The following SUGCT variants were observed in gnomAD, a reference collection of about 807,000 sequenced individuals.
The protein encoded by SUGCT is succinyl-CoA:glutarate-CoA transferase.
SUGCT carries 41 observed loss-of-function variants against 55.0 expected under a neutral mutation model. The ratio of observed to expected loss-of-function variants is 0.74; its 90% CI spans 0.58 to 0.97. SUGCT has a LOEUF of 0.97. Ranked by LOEUF, SUGCT falls within the 50% of genes least tolerant of loss-of-function variation. The pLI is 0.00. For missense variants in SUGCT, 568 were observed against 547.8 expected, an observed-to-expected ratio of 1.04 and a Z score of -0.37; for synonymous variants, 187 against 200.4, an observed-to-expected ratio of 0.93 and a Z score of 0.56.
intron 12 of SUGCT, among the ~76,000 whole-genome samples, chr7:40,737,517 A>G (rs943515046): frequency 6.6e-6 from 1 of 152,206 alleles, no homozygotes; most frequent in Non-Finnish European, 1.5e-5. Context: ...TAATTAATAA[A>G]CAAAACAATA....
At chr7:40,373,581 A>T (rs1465232298) in intron 9 of SUGCT, among the ~76,000 whole-genome samples, 1 of 152,000 alleles carries the variant, frequency 6.6e-6, no homozygotes, top group Non-Finnish European at 1.5e-5. Flanking sequence ...CTCAAAATCA[A>T]ATTAGGACAA....
intron 12 of SUGCT, among the ~76,000 whole-genome samples, chr7:40,695,165 ATTTTTATTTATTTATT>A (rs1233769840): frequency 5.2e-5 from 7 of 135,510 alleles, no homozygotes; most frequent in African/African-American, 1.9e-4. Context: ...CTAAACCCTT[ATTTTTATTTATTTATT>A]TATTTATTTA....
intron 12 of SUGCT, among the ~76,000 whole-genome samples, chr7:40,500,699 T>TA (rs1792232866): frequency 6.6e-6 from 1 of 152,210 alleles, no homozygotes; most frequent in South Asian, 2.1e-4. Flanking sequence ...GGAGAGTTTA[T>TA]TAATCTCTAG....
intron 9 of SUGCT, among the ~76,000 whole-genome samples, chr7:40,437,187 T>C (rs762337528): frequency 6.6e-6 from 1 of 152,104 alleles, no homozygotes; most frequent in Non-Finnish European, 1.5e-5. Flanking sequence ...GAATAGAAAA[T>C]ATATGAGGCA....
At chr7:40,897,102 G>A in the SUGCT span, among the ~76,000 whole-genome samples, 19 of 152,194 alleles carry the variant, frequency 1.2e-4, no homozygotes, top group African/African-American at 3.6e-4. Flanking sequence ...AACACACAAC[G>A]GGGAAAAGAT....
At chr7:40,806,373 C>T (rs1288161390) in intron 13 of SUGCT, among the ~76,000 whole-genome samples, 1 of 152,040 alleles carries the variant, frequency 6.6e-6, no homozygotes, top group South Asian at 2.1e-4. Flanking sequence ...GAGTGAAATC[C>T]TCATTAGGAA....
intron 13 of SUGCT, among the ~76,000 whole-genome samples, chr7:40,762,480 C>A (rs974226716): frequency 3.9e-5 from 6 of 152,050 alleles, no homozygotes; most frequent in Admixed American, 3.3e-4. Flanking sequence ...AAGAAACAGG[C>A]TTTTACCACC....
the SUGCT span, chr7:40,979,810 C>T: frequency 3.9e-5 from 6 of 152,026 alleles, no homozygotes; most frequent in African/African-American, 1.4e-4. Context: ...AAAGAGGATA[C>T]CTAGCTTTCT....
At chr7:40,842,286 A>T (rs998700940) in intron 13 of SUGCT, among the ~76,000 whole-genome samples, 1 of 152,166 alleles carries the variant, frequency 6.6e-6, no homozygotes, top group Non-Finnish European at 1.5e-5. Flanking sequence ...AATAAGACTT[A>T]TGTTTTCCAA....
At chr7:40,614,959 G>A (rs1286040465) in intron 12 of SUGCT, among the ~76,000 whole-genome samples, 1 of 151,874 alleles carries the variant, frequency 6.6e-6, no homozygotes, top group Admixed American at 6.6e-5. Context: ...GGGAGGCTGA[G>A]GTGAGAGAAT....
At chr7:40,914,068 T>TG in the SUGCT span, among the ~76,000 whole-genome samples, 1 of 151,922 alleles carries the variant, frequency 6.6e-6, no homozygotes, top group Non-Finnish European at 1.5e-5. Context: ...TTCAGTTTTT[T>TG]TTTTTAGCTT....
At position 40,186,090 on chromosome 7, in the gene SUGCT, TCTTCCTTC is replaced by T. The variant is rs199961855; in HGVS notation, c.227-2381_227-2374del. Among the ~76,000 whole-genome samples, 790 of 146,970 alleles carry T rather than the reference TCTTCCTTC, an allele frequency of 5.4e-3. 5 individuals are homozygous for T. Among genetic ancestry groups the T allele is most frequent in the African/African-American group, 0.018 (693 of 37,844 alleles). On this transcript the variant is annotated intron_variant, in intron 3 of 13. Coordinates refer to ENST00000335693, the MANE Select transcript of SUGCT (RefSeq NM_001193313.2). ...TTTTCTTTCTTTCTTTCTCTCTTTT[TCTTCCTTC>T]CTTCCTTCCTTCCTTCCTTCCTTTC...
At chr7:40,686,604 C>T (rs1223571776) in intron 12 of SUGCT, among the ~76,000 whole-genome samples, 3 of 143,336 alleles carry the variant, frequency 2.1e-5, no homozygotes, top group Non-Finnish European at 3.1e-5. Context: ...AGATGGTAAG[C>T]GGGCTTTTTC....
chr7:40,714,973 A>G (rs554067209), intron 12 of SUGCT, among the ~76,000 whole-genome samples: 1 of 152,296 alleles, frequency 6.6e-6, no homozygotes, highest in Non-Finnish European at 1.5e-5. Flanking sequence ...AAGTTCTATC[A>G]TGTTCCTAAA....
At chr7:40,705,529 T>C (rs1363504336) in intron 12 of SUGCT, among the ~76,000 whole-genome samples, 3 of 152,226 alleles carry the variant, frequency 2.0e-5, no homozygotes, top group Non-Finnish European at 4.4e-5. Context: ...AATCCCATTT[T>C]TGACACTGAC....
intron 1 of SUGCT, among the ~76,000 whole-genome samples, chr7:40,143,600 T>G (rs1206376589): frequency 6.6e-6 from 1 of 152,252 alleles, no homozygotes; most frequent in Non-Finnish European, 1.5e-5. Flanking sequence ...GCAGACGGAA[T>G]ATTTGATCCA....
At chr7:40,230,293 G>C (rs1471556833) in intron 6 of SUGCT, among the ~76,000 whole-genome samples, 1 of 152,160 alleles carries the variant, frequency 6.6e-6, no homozygotes. Context: ...CTGAAGAACG[G>C]CTATTCTAAG....
At chr7:40,179,419 G>A (rs987362736) in intron 1 of SUGCT, among the ~76,000 whole-genome samples, 3 of 151,764 alleles carry the variant, frequency 2.0e-5, no homozygotes, top group Non-Finnish European at 2.9e-5. Flanking sequence ...TCAGCCTCCC[G>A]AGTAGCTGGG....
intron 7 of SUGCT, among the ~76,000 whole-genome samples, chr7:40,251,050 C>T (rs1472456109): frequency 1.3e-5 from 2 of 151,874 alleles, no homozygotes; most frequent in African/African-American, 4.8e-5. Context: ...AGGCTGGTCT[C>T]GAACCCCTGA....
Sources: allele counts gnomAD v4.1 joint callset (sites outside exome capture counted in the v4.1 genomes callset), GRCh38; gene constraint gnomAD v4.1.1; transcripts MANE v1.5; gene names NCBI Gene and HGNC (gene_info 2026-07-23, HGNC 2026-07-21).